CSMD1: variants seen among roughly 807,000 people sequenced by gnomAD.
CSMD1 encodes CUB and Sushi multiple domains 1, also known as CUB and sushi domain-containing protein 1.
Under a neutral mutation model 417.5 loss-of-function variants are expected in CSMD1, and 213 were observed. The ratio of observed to expected loss-of-function variants is 0.51; its 90% CI spans 0.46 to 0.57. The LOEUF (loss-of-function observed/expected upper bound fraction) is 0.57, where lower values mean the gene tolerates loss of function less well. Among genes scored for constraint, CSMD1 ranks in the 20% least tolerant of loss-of-function variants. The pLI is 0.00. For synonymous variants in CSMD1, 2,862 were observed against 1,736.8 expected (o/e 1.65, Z -16.11); for missense variants, 6,923 against 4,529.7 (o/e 1.53, Z -15.17).
At chr8:3,726,189 A>T (rs13256525) in intron 6 of CSMD1, among the ~76,000 whole-genome samples, 1 of 151,922 alleles carries the variant, frequency 6.6e-6, no homozygotes, top group Non-Finnish European at 1.5e-5. Context: ...AGCTCTTGGA[A>T]CTCAGCCTCC....
intron 3 of CSMD1, among the ~76,000 whole-genome samples, chr8:4,263,042 C>G (rs751525847): frequency 1.4e-4 from 22 of 152,110 alleles, no homozygotes; most frequent in Non-Finnish European, 2.9e-4. Context: ...AATGTTAGAA[C>G]AGAATTGTAT....
intron 52 of CSMD1, among the ~76,000 whole-genome samples, chr8:3,006,588 G>C (rs577805711): frequency 6.6e-6 from 1 of 151,576 alleles, no homozygotes; most frequent in South Asian, 2.1e-4. Flanking sequence ...TAGATCAATG[G>C]AACAGAACAG....
In CSMD1 at chr8:4,015,332, C is replaced by G. The variant is rs376576968; in HGVS notation, c.610+16573G>C. On this transcript the variant is annotated intron_variant, in intron 4 of 69. Coordinates refer to ENST00000635120, the MANE Select transcript of CSMD1 (RefSeq NM_033225.6). Reference sequence around the variant, plus strand: ...AAAAAGCATGACTTCTCTTCCTTCTCCCCTCTGGCTATGTCGTTCCTAGTT... The same window carrying G: ...AAAAAGCATGACTTCTCTTCCTTCTGCCCTCTGGCTATGTCGTTCCTAGTT... 1.3e-4 allele frequency among the ~76,000 whole-genome samples: 20 copies of G among 152,286 alleles called. No homozygotes were observed. In the East Asian group the frequency reaches 2.1e-3, roughly 16 times the overall value.
chr8:4,951,516 G>A (rs1413107977), intron 1 of CSMD1, among the ~76,000 whole-genome samples: 12 of 150,466 alleles, frequency 8.0e-5, no homozygotes, highest in East Asian at 3.9e-4. Context: ...GAGGAAGGAT[G>A]GGAGGGGAGA....
chr8:4,035,565 G>A (rs900920946), intron 3 of CSMD1, among the ~76,000 whole-genome samples: 5 of 152,110 alleles, frequency 3.3e-5, no homozygotes, highest in Admixed American at 6.5e-5. Context: ...TGCAGGCCTA[G>A]GCTAGGGTGT....
chr8:3,359,951 G>C (rs902834547), intron 20 of CSMD1, among the ~76,000 whole-genome samples: 5 of 152,184 alleles, frequency 3.3e-5, no homozygotes, highest in Non-Finnish European at 5.9e-5. Context: ...GTCAGCTTGA[G>C]AGTGTGGAAT....
intron 1 of CSMD1, among the ~76,000 whole-genome samples, chr8:4,839,949 C>G (rs143329823): frequency 1.3e-5 from 2 of 152,262 alleles, no homozygotes; most frequent in East Asian, 1.9e-4. Flanking sequence ...ACCCGGAGAC[C>G]AAAAGTCTTC....
Position 4,727,904 on chromosome 8 carries a change from T to C in CSMD1, c.86-90346A>G, listed in dbSNP as rs929126712. Reference sequence around the variant, plus strand: ...AATATGTACCCACCTATACCACATATATATATATACCAAATACATCTAATA... The same window carrying C: ...AATATGTACCCACCTATACCACATACATATATATACCAAATACATCTAATA... On this transcript the variant is annotated intron_variant, in intron 1 of 69. Coordinates refer to ENST00000635120, the MANE Select transcript of CSMD1 (RefSeq NM_033225.6). 6.8e-5 allele frequency among the ~76,000 whole-genome samples: 10 copies of C among 147,398 alleles called. No homozygotes were observed. The South Asian group carries it at 2.1e-3, about 31-fold the overall frequency.
rs1357340408 is a variant in CSMD1 at position 3,343,419 on chromosome 8, G to A, written c.3506C>T (p.Pro1169Leu). Reference sequence around the variant, plus strand: ...TTCATTTTTAGTGAACGTGCCCAGTGGACGTGAGGAACTGTCTTTTCCATC... The same window carrying A: ...TTCATTTTTAGTGAACGTGCCCAGTAGACGTGAGGAACTGTCTTTTCCATC... Reference protein sequence around the residue: ...VYDGKDSSSRPLGTFTKNELL... With the variant: ...VYDGKDSSSRLLGTFTKNELL... Residue 1169 changes from proline to leucine, a missense_variant, in exon 23 of 70, where the codon CCA (proline) becomes CTA (leucine). Pro to Leu is a moderately conservative substitution (Grantham distance 98). Transcript: ENST00000635120. The A allele has an allele frequency of 1.9e-6, 3 of 1,613,726 alleles. No homozygotes were observed. The highest frequency in any genetic ancestry group is 2.2e-5 in the East Asian group (1 of 44,854).
At chr8:4,035,168 T>C (rs189650720) in intron 3 of CSMD1, among the ~76,000 whole-genome samples, 87 of 148,456 alleles carry the variant, frequency 5.9e-4, no homozygotes, top group African/African-American at 2.1e-3. Flanking sequence ...GATGATGGCG[T>C]ACTGATGTTG....
chr8:4,617,274 T>C (rs1247480643), intron 2 of CSMD1, among the ~76,000 whole-genome samples: 1 of 152,174 alleles, frequency 6.6e-6, no homozygotes, highest in East Asian at 1.9e-4. Context: ...TTGCTTCACC[T>C]TCTTTTGTTG....
chr8:4,968,793 A>G (rs1335649372), intron 1 of CSMD1, among the ~76,000 whole-genome samples: 1 of 152,102 alleles, frequency 6.6e-6, no homozygotes, highest in African/African-American at 2.4e-5. Context: ...AAAAAAAGGA[A>G]AGTCTGGCAG....
rs577929997 is a variant in CSMD1 at position 3,291,220 on chromosome 8, C to T, written c.3951-6874G>A. 9.2e-5 allele frequency among the ~76,000 whole-genome samples: 14 copies of T among 152,086 alleles called. No homozygotes were observed. The South Asian group carries it at 1.2e-3, about 14-fold the overall frequency. On this transcript the variant is annotated intron_variant, in intron 25 of 69. Transcript: ENST00000635120. ...AACTTTTTGATGTATTGCTGGATTC[C>T]ATTTGCCAGTATTTTATTGAGGATT...
rs547832631 is a variant in CSMD1 at position 4,269,790 on chromosome 8, A to G, written c.415+150163T>C. ...TCATAAAAAAGCATGAAAATTATAT[A>G]CAGGTGATACCCAATGAAGTCTCAG... On this transcript the variant is annotated intron_variant, in intron 3 of 69. Transcript: ENST00000635120. Among the ~76,000 whole-genome samples the G allele has an allele frequency of 9.8e-5, 15 of 152,336 alleles. No homozygotes were observed. In the South Asian group the frequency reaches 2.9e-3, roughly 29 times the overall value.
At chr8:4,182,311 G>A (rs1412699305) in intron 3 of CSMD1, among the ~76,000 whole-genome samples, 7 of 152,012 alleles carry the variant, frequency 4.6e-5, no homozygotes, top group Non-Finnish European at 8.8e-5. Context: ...GCTTGCCCTT[G>A]GTTTCAGTAA....
chr8:3,487,157 C>T (rs772557928), intron 11 of CSMD1, among the ~76,000 whole-genome samples: 4 of 152,062 alleles, frequency 2.6e-5, no homozygotes, highest in East Asian at 1.9e-4. Flanking sequence ...GTAACTGGGC[C>T]GCTCTCTTCA....
chr8:4,107,776 C>T (rs984449567), intron 3 of CSMD1, among the ~76,000 whole-genome samples: 3 of 152,180 alleles, frequency 2.0e-5, no homozygotes, highest in Non-Finnish European at 2.9e-5. Flanking sequence ...ACGAGGCTGT[C>T]ACCACCTGCT....
chr8:4,101,318 G>A (rs1801293726), intron 3 of CSMD1, among the ~76,000 whole-genome samples: 1 of 152,190 alleles, frequency 6.6e-6, no homozygotes, highest in Non-Finnish European at 1.5e-5. Flanking sequence ...TTGAACAGCT[G>A]TGGAAGGAAA....
chr8:3,589,939 T>A (rs1800774916), intron 8 of CSMD1, among the ~76,000 whole-genome samples: 1 of 126,522 alleles, frequency 7.9e-6, no homozygotes, highest in Non-Finnish European at 1.6e-5. Context: ...AATATATGTT[T>A]ATCATCCAAA....
Sources: gnomAD v4.1 joint callset for allele counts (sites outside exome capture counted in the v4.1 genomes callset) on GRCh38, gnomAD v4.1.1 for gene constraint, MANE v1.5 for transcripts, NCBI Gene and HGNC (gene_info 2026-07-23, HGNC 2026-07-21) for gene names.